The following RNF2 variants were observed in gnomAD, a reference collection of about 807,000 sequenced individuals.
The protein encoded by RNF2 is ring finger protein 2.
A neutral mutation model predicts 37.2 loss-of-function variants in RNF2; 6 were observed. That is an observed-to-expected ratio of 0.16 (90% CI 0.09 to 0.32). RNF2 has a LOEUF of 0.32. Among genes scored for constraint, RNF2 ranks in the 10% least tolerant of loss-of-function variants. RNF2 has a pLI of 1.00. For missense variants in RNF2, 251 were observed against 404.0 expected (o/e 0.62, Z 3.25); for synonymous variants, 133 against 132.7 (o/e 1.00, Z -0.02).
intron 1 of RNF2, 124 bp from the exon 2 acceptor site, chr1:185,087,428 C>T (rs924894722): frequency 5.3e-6 from 4 of 750,046 alleles, no homozygotes; most frequent in East Asian, 2.6e-5. Flanking sequence ...AAAGTCCCCA[C>T]CTCTTAATAT....
At chr1:185,082,885 A>G (rs1311761720) in intron 1 of RNF2, among the ~76,000 whole-genome samples, 1 of 152,258 alleles carries the variant, frequency 6.6e-6, no homozygotes, top group East Asian at 1.9e-4. Context: ...AAAGTGAGAA[A>G]TGCCCATTAA....
chr1:185,090,839 G>GA (rs1651746596), intron 2 of RNF2, among the ~76,000 whole-genome samples: 3 of 152,184 alleles, frequency 2.0e-5, no homozygotes, highest in African/African-American at 7.2e-5. Context: ...TGCAGCAGGG[G>GA]AGATATGTCC....
At chr1:185,092,384 T>G (rs1049255243) in intron 3 of RNF2, among the ~76,000 whole-genome samples, 2 of 151,628 alleles carry the variant, frequency 1.3e-5, no homozygotes, top group Non-Finnish European at 2.9e-5. Flanking sequence ...ACTGTGTTGG[T>G]CAGGCTGGTC....
chr1:185,098,120 AGAT>A lies in RNF2; in HGVS notation c.514_516del (p.Asp172del). On this transcript the variant is annotated inframe_deletion, in exon 5 of 7. Transcript: ENST00000367510. ...AGATTGAAAATGGTAGTGGAGCAGA[AGAT>A]AATGGTGACAGTTCACACTGCAGTA... 1 of 1,614,240 alleles carries A rather than the reference AGAT, an allele frequency of 6.2e-7. No homozygotes were observed. The highest frequency in any genetic ancestry group is 8.5e-7 in the Non-Finnish European group (1 of 1,180,032).
At chr1:185,053,724 T>C (rs1571292589) in intron 1 of RNF2, among the ~76,000 whole-genome samples, 2 of 152,140 alleles carry the variant, frequency 1.3e-5, no homozygotes, top group South Asian at 4.1e-4. Flanking sequence ...ACTGTTGATT[T>C]CCCAATATCC....
chr1:185,083,314 T>A (rs1651483874), intron 1 of RNF2, among the ~76,000 whole-genome samples: 1 of 152,228 alleles, frequency 6.6e-6, no homozygotes, highest in Non-Finnish European at 1.5e-5. Context: ...TTTGAATGCT[T>A]TTAGCTACAT....
At chr1:185,071,333 G>T (rs1204995007) in intron 1 of RNF2, among the ~76,000 whole-genome samples, 1 of 152,188 alleles carries the variant, frequency 6.6e-6, no homozygotes, top group Middle Eastern at 3.2e-3. Flanking sequence ...TTATAGGGAA[G>T]ATATGTATCC....
Position 185,090,022 on chromosome 1 carries a change from A to T in RNF2, c.88-1557A>T, listed in dbSNP as rs569620172. Among the ~76,000 whole-genome samples the T allele has an allele frequency of 2.0e-5, 3 of 152,090 alleles. No individual in the cohort carries two copies. In the East Asian group the frequency reaches 5.8e-4, roughly 30 times the overall value. On this transcript the variant is annotated intron_variant, in intron 2 of 6. Transcript: ENST00000367510. ...CTGCAACCTCTACCTCCCAGATTCAAATGATTCTCCTGCTTCAGCCTCCCA... is the reference window on the plus strand; with the variant it reads ...CTGCAACCTCTACCTCCCAGATTCATATGATTCTCCTGCTTCAGCCTCCCA...
intron 1 of RNF2, among the ~76,000 whole-genome samples, chr1:185,049,851 T>C (rs919868790): frequency 2.0e-5 from 3 of 152,176 alleles, no homozygotes; most frequent in Admixed American, 6.5e-5. Flanking sequence ...ACCTGGAGAC[T>C]GGAACCATTT....
chr1:185,065,956 ATT>A (rs57453569), intron 1 of RNF2, among the ~76,000 whole-genome samples: 17 of 138,600 alleles, frequency 1.2e-4, no homozygotes, highest in Non-Finnish European at 1.6e-4. Context: ...ATACTGTCTC[ATT>A]TTTTTTTTTT....
intron 1 of RNF2, among the ~76,000 whole-genome samples, chr1:185,076,583 G>A (rs1325512226): frequency 3.3e-5 from 5 of 150,174 alleles, no homozygotes; most frequent in Admixed American, 6.6e-5. Flanking sequence ...ACTGCGCCCG[G>A]CCTTATTTTA....
intron 1 of RNF2, among the ~76,000 whole-genome samples, chr1:185,054,390 G>A (rs1230527881): frequency 6.6e-6 from 1 of 152,206 alleles, no homozygotes; most frequent in Non-Finnish European, 1.5e-5. Flanking sequence ...CGGAGAGGAC[G>A]TGTCAAGGCT....
intron 1 of RNF2, among the ~76,000 whole-genome samples, chr1:185,077,271 C>T (rs1011463981): frequency 1.3e-5 from 2 of 151,838 alleles, no homozygotes; most frequent in Admixed American, 6.6e-5. Flanking sequence ...TTCCTTTTCC[C>T]ATGTTCCTCT....
rs1243863774 is a variant in RNF2, at chr1:185,093,163, T to C, written c.351T>C (p.Arg117=). 5 of 1,614,072 alleles carry C rather than the reference T, an allele frequency of 3.1e-6. No individual in the cohort carries two copies. Among genetic ancestry groups the C allele is most frequent in the Non-Finnish European group, 4.2e-6 (5 of 1,179,964 alleles). ...DALISKIYPS[R]DEYEAHQERV... ...TCATCAGCAAAATTTATCCAAGTCG[T>C]GATGAGTATGAAGCTCATCAAGAGA... The change falls in exon 4 of 7, where the codon CGT becomes CGC. Residue 117 remains arginine, a synonymous_variant. Transcript: ENST00000367510.
chr1:185,052,545 T>C (rs1454349447), intron 1 of RNF2, among the ~76,000 whole-genome samples: 2 of 151,918 alleles, frequency 1.3e-5, no homozygotes, highest in Non-Finnish European at 2.9e-5. Context: ...TTGCCAGAGG[T>C]TTGGGAGATG....
chr1:185,097,493 A>G (rs1259074564), intron 4 of RNF2, among the ~76,000 whole-genome samples: 1 of 152,272 alleles, frequency 6.6e-6, no homozygotes, highest in African/African-American at 2.4e-5. Context: ...AATGATCAGA[A>G]TATAAAGATT....
rs747677121 is a variant in RNF2 at position 185,087,588 on chromosome 1, C to T, written c.35C>T (p.Pro12Leu). 6.2e-7 allele frequency: 1 copy of T among 1,614,138 alleles called. No individual in the cohort carries two copies. Among genetic ancestry groups the T allele is most frequent in the East Asian group, 2.2e-5 (1 of 44,886 alleles). Residue 12 changes from proline (P) to leucine (L), a missense_variant, in exon 2 of 7, where the codon CCA (proline) becomes CTA (leucine). Physicochemically the swap from Pro to Leu is moderately conservative, Grantham distance 98. Coordinates refer to ENST00000367510, the MANE Select transcript of RNF2 (RefSeq NM_007212.4). ...GCTGTGCAGACAAACGGAACTCAAC[C>T]ATTAAGCAAAACATGGGAACTCAGT... ...SQAVQTNGTQ[P>L]LSKTWELSLY...
intron 1 of RNF2, 36 bp from the exon 2 acceptor site, chr1:185,087,516 A>G: frequency 6.3e-7 from 1 of 1,575,672 alleles, no homozygotes; most frequent in Non-Finnish European, 8.7e-7. Flanking sequence ...TCCCTTCCAA[A>G]TACTAAAATT....
chr1:185,081,163 C>G lies in RNF2; in HGVS notation c.-2-6389C>G, dbSNP rs977120798. Among the ~76,000 whole-genome samples the G allele has an allele frequency of 3.9e-5, 6 of 152,194 alleles. No homozygotes were observed. The East Asian group carries it at 1.2e-3, about 29-fold the overall frequency. ...CATCTTTATTAATCAAAATAGGAAC[C>G]ATTACAGTCAACACATTTTTGCCAA... On this transcript the variant is annotated intron_variant, in intron 1 of 6. Transcript: ENST00000367510.
Sources: gnomAD v4.1 joint callset for allele counts (sites outside exome capture counted in the v4.1 genomes callset) on GRCh38, gnomAD v4.1.1 for gene constraint, MANE v1.5 for transcripts, NCBI Gene and HGNC (gene_info 2026-07-23, HGNC 2026-07-21) for gene names.